The following SND1 variants were observed in gnomAD, a reference collection of about 807,000 sequenced individuals.
SND1 encodes staphylococcal nuclease and tudor domain containing 1.
SND1 carries 38 observed loss-of-function variants against 121.7 expected under a neutral mutation model. The ratio of observed to expected loss-of-function variants is 0.31; its 90% CI spans 0.24 to 0.41. SND1 has a LOEUF of 0.41. Among genes scored for constraint, SND1 ranks in the 10% least tolerant of loss-of-function variants. The pLI, the probability that SND1 is intolerant of heterozygous loss-of-function variation, is 1.00. For missense variants in SND1, 868 were observed against 1,184.6 expected, an observed-to-expected ratio of 0.73 and a Z score of 3.92; for synonymous variants, 401 against 447.4, an observed-to-expected ratio of 0.90 and a Z score of 1.31.
intron 16 of SND1, among the ~76,000 whole-genome samples, chr7:128,014,579 A>G (rs576143442): frequency 6.6e-6 from 1 of 152,298 alleles, no homozygotes; most frequent in East Asian, 1.9e-4. Flanking sequence ...CTCCTTAGCT[A>G]GTTCTGAGAC....
chr7:127,947,657 T>C (rs1180014612), intron 15 of SND1, among the ~76,000 whole-genome samples: 1 of 152,192 alleles, frequency 6.6e-6, no homozygotes, highest in East Asian at 1.9e-4. Flanking sequence ...TTACATGTCA[T>C]GGCACAGACC....
intron 10 of SND1, among the ~76,000 whole-genome samples, chr7:127,791,686 A>G (rs1038822248): frequency 1.3e-5 from 2 of 152,238 alleles, no homozygotes; most frequent in African/African-American, 4.8e-5. Context: ...AGCTGGCTTA[A>G]GAGAAGTTCC....
At chr7:127,860,554 G>C (rs1460652011) in intron 12 of SND1, among the ~76,000 whole-genome samples, 2 of 152,212 alleles carry the variant, frequency 1.3e-5, no homozygotes, top group Non-Finnish European at 2.9e-5. Flanking sequence ...GTCTGAGAGA[G>C]CAGTGGTGTA....
At chr7:127,776,385 A>G (rs1398585609) in intron 10 of SND1, among the ~76,000 whole-genome samples, 2 of 152,214 alleles carry the variant, frequency 1.3e-5, no homozygotes, top group African/African-American at 4.8e-5. Flanking sequence ...CATTAAGTCC[A>G]GCTGTGAAAA....
intron 10 of SND1, among the ~76,000 whole-genome samples, chr7:127,759,294 TA>T (rs1332503885): frequency 6.6e-6 from 1 of 152,218 alleles, no homozygotes; most frequent in Non-Finnish European, 1.5e-5. Flanking sequence ...TGAAACTATA[TA>T]AAATCAAATT....
At chr7:127,912,284 GGTACCACA>G (rs1466482629) in intron 14 of SND1, among the ~76,000 whole-genome samples, 4 of 152,116 alleles carry the variant, frequency 2.6e-5, no homozygotes, top group African/African-American at 9.7e-5. Flanking sequence ...CATTGCAGCA[GGTACCACA>G]GTTAATGATG....
chr7:127,715,877 G>T (rs1796379555), intron 9 of SND1, among the ~76,000 whole-genome samples: 1 of 152,120 alleles, frequency 6.6e-6, no homozygotes, highest in Admixed American at 6.6e-5. Context: ...AATCCATTTT[G>T]AGTTTGTTTT....
chr7:127,876,419 A>T (rs1252741700), intron 12 of SND1, among the ~76,000 whole-genome samples: 1 of 152,112 alleles, frequency 6.6e-6, no homozygotes, highest in Non-Finnish European at 1.5e-5. Flanking sequence ...CATGGGAAAA[A>T]CACTGTAGGT....
At chr7:128,054,546 G>T (rs1297121183) in intron 16 of SND1, among the ~76,000 whole-genome samples, 4 of 152,234 alleles carry the variant, frequency 2.6e-5, no homozygotes, top group Admixed American at 2.6e-4. Context: ...GTTGGCATTA[G>T]CAATGGTTCA....
chr7:127,870,421 A>C (rs1799562565), intron 12 of SND1, among the ~76,000 whole-genome samples: 1 of 152,176 alleles, frequency 6.6e-6, no homozygotes, highest in South Asian at 2.1e-4. Context: ...CTTCTGAGAA[A>C]TGTGTCCTTA....
intron 13 of SND1, among the ~76,000 whole-genome samples, chr7:127,899,175 C>T (rs1800177293): frequency 6.6e-6 from 1 of 151,972 alleles, no homozygotes; most frequent in Non-Finnish European, 1.5e-5. Flanking sequence ...CCTCAAGGGA[C>T]CTGTAGTCTA....
chr7:128,002,358 T>C (rs1802856940), intron 16 of SND1, among the ~76,000 whole-genome samples: 1 of 152,238 alleles, frequency 6.6e-6, no homozygotes, highest in Middle Eastern at 3.2e-3. Context: ...GCCAGTCTTT[T>C]ATTCTGTGAA....
intron 15 of SND1, among the ~76,000 whole-genome samples, chr7:127,956,693 CT>C (rs1211458738): frequency 6.6e-6 from 1 of 152,164 alleles, no homozygotes; most frequent in Admixed American, 6.5e-5. Flanking sequence ...CACATTATCT[CT>C]TAGTTATCCC....
intron 10 of SND1, among the ~76,000 whole-genome samples, chr7:127,805,277 T>A (rs895329581): frequency 1.3e-5 from 2 of 152,212 alleles, no homozygotes; most frequent in African/African-American, 4.8e-5. Flanking sequence ...TACGGTCATA[T>A]CCTTCCCATT....
chr7:128,049,484 TC>T (rs1387681426), intron 16 of SND1, among the ~76,000 whole-genome samples: 1 of 152,060 alleles, frequency 6.6e-6, no homozygotes, highest in Non-Finnish European at 1.5e-5. Context: ...TTCCCCCTCT[TC>T]CTTTCCTTTC....
At chr7:128,027,113 T>A (rs1404648787) in intron 16 of SND1, 1 of 152,616 alleles carries the variant, frequency 6.6e-6, no homozygotes, top group Admixed American at 6.5e-5. Flanking sequence ...AAATACACTT[T>A]TCTCACATTA....
At chr7:127,998,315 A>C (rs1584726649) in intron 16 of SND1, 1 of 229,246 alleles carries the variant, frequency 4.4e-6, no homozygotes, top group Non-Finnish European at 8.9e-6. Flanking sequence ...CATAGCCAAA[A>C]CCTGACTGTG....
At chr7:127,853,293 G>C (rs768941286) in intron 12 of SND1, among the ~76,000 whole-genome samples, 1 of 152,162 alleles carries the variant, frequency 6.6e-6, no homozygotes, top group Admixed American at 6.5e-5. Flanking sequence ...ACTTCTTCCC[G>C]TGTTAAATTA....
chr7:127,716,111 T>C (rs1796384788), intron 9 of SND1, among the ~76,000 whole-genome samples: 2 of 152,246 alleles, frequency 1.3e-5, no homozygotes, highest in Non-Finnish European at 2.9e-5. Flanking sequence ...TTGATTACTG[T>C]AGCTTTGTAG....
Sources: allele counts gnomAD v4.1 joint callset (sites outside exome capture counted in the v4.1 genomes callset), GRCh38; gene constraint gnomAD v4.1.1; transcripts MANE v1.5; gene names NCBI Gene and HGNC (gene_info 2026-07-23, HGNC 2026-07-21).